ANKS1B: variants seen among roughly 807,000 people sequenced by gnomAD.
ANKS1B encodes the protein ankyrin repeat and sterile alpha motif domain containing 1B, also known as ankyrin repeat and sterile alpha motif domain-containing protein 1B.
Under a neutral mutation model 148.3 loss-of-function variants are expected in ANKS1B, and 36 were observed. The ratio of observed to expected loss-of-function variants is 0.24; its 90% CI spans 0.19 to 0.32. The LOEUF (loss-of-function observed/expected upper bound fraction) is 0.32. Ranked by LOEUF, ANKS1B falls within the 10% of genes least tolerant of loss-of-function variation. The pLI is 1.00. For missense variants in ANKS1B, 1,157 were observed against 1,542.6 expected (o/e 0.75, Z 4.19); for synonymous variants, 542 against 560.8 (o/e 0.97, Z 0.47).
intron 17 of ANKS1B, among the ~76,000 whole-genome samples, chr12:98,996,058 T>A (rs924449852): frequency 6.6e-6 from 1 of 151,046 alleles, no homozygotes; most frequent in African/African-American, 2.4e-5. Context: ...GGGGCTGGAA[T>A]AGTTCCTGTC....
In ANKS1B at chr12:99,719,481, C is replaced by T. The variant is rs377030796; in HGVS notation, c.1128+53441G>A. On this transcript the variant is annotated intron_variant, in intron 8 of 26. Coordinates refer to ENST00000683438, the MANE Select transcript of ANKS1B (RefSeq NM_001352186.2). ...ACCCTGAACACACTTGGTTTATTGA[C>T]GGCAGTTCCACCAGGCCTAATCGCC... is the stretch of plus-strand genomic sequence containing the variant. Among the ~76,000 whole-genome samples the T allele has an allele frequency of 4.9e-4, 74 of 152,190 alleles. No individual in the cohort carries two copies. In the East Asian group the frequency reaches 5.6e-3, roughly 12 times the overall value.
chr12:99,210,274 TCC>T (rs2083177714), intron 14 of ANKS1B, among the ~76,000 whole-genome samples: 1 of 152,186 alleles, frequency 6.6e-6, no homozygotes. Context: ...CATGTTTCTT[TCC>T]TCTTTCTTTA....
intron 12 of ANKS1B, among the ~76,000 whole-genome samples, chr12:99,250,077 C>T (rs2074379935): frequency 1.3e-5 from 2 of 152,160 alleles, no homozygotes; most frequent in African/African-American, 2.4e-5. Context: ...CAGGAGGAGG[C>T]TGACAAAGTG....
Position 98,895,211 on chromosome 12 carries a change from G to C in ANKS1B, c.2779-63075C>G. The C allele has an allele frequency of 6.1e-6, 6 of 985,240 alleles. No homozygotes were observed. In the South Asian group the frequency reaches 2.8e-4, roughly 46 times the overall value. The allele number at this position is 985,240 out of a possible 1,614,324, so 61.0% of individuals were successfully genotyped here. A position where few individuals can be genotyped will look rare whatever the true frequency, so the allele number is the denominator to read the frequency against. On this transcript the variant is annotated intron_variant, in intron 17 of 26. Coordinates refer to ENST00000683438, the MANE Select transcript of ANKS1B (RefSeq NM_001352186.2). ...GGGGCTGCAGGGCGCCTAGCACTGG[G>C]GGTTGCCGGCGCGCGGGGGCCTCCT... is the stretch of plus-strand genomic sequence containing the variant.
chr12:99,596,747 T>A (rs2097761656), intron 9 of ANKS1B, among the ~76,000 whole-genome samples: 1 of 151,976 alleles, frequency 6.6e-6, no homozygotes, highest in African/African-American at 2.4e-5. Flanking sequence ...ATCCTATATG[T>A]AAACATTACA....
intron 1 of ANKS1B, among the ~76,000 whole-genome samples, chr12:99,892,500 T>G (rs188567342): frequency 1.3e-5 from 2 of 152,232 alleles, no homozygotes; most frequent in East Asian, 3.9e-4. Context: ...ATGAACCAAC[T>G]TGAGAAACCT....
At chr12:98,944,388 C>A (rs1057239437) in intron 17 of ANKS1B, among the ~76,000 whole-genome samples, 3 of 151,056 alleles carry the variant, frequency 2.0e-5, no homozygotes, top group Admixed American at 2.0e-4. Flanking sequence ...TTGAAAGCTT[C>A]CTGAGGCCCT....
intron 9 of ANKS1B, among the ~76,000 whole-genome samples, chr12:99,639,843 A>G (rs940651572): frequency 6.6e-6 from 1 of 152,170 alleles, no homozygotes; most frequent in African/African-American, 2.4e-5. Flanking sequence ...TCTTCATAGC[A>G]GAGTGATAAC....
chr12:99,712,889 T>G (rs903182916), intron 8 of ANKS1B, among the ~76,000 whole-genome samples: 3 of 143,824 alleles, frequency 2.1e-5, no homozygotes, highest in African/African-American at 7.6e-5. Context: ...GGCTCTGCCA[T>G]GACCTCAGAG....
At chr12:98,795,626 A>T (rs1204867180) in intron 22 of ANKS1B, 1 of 450,824 alleles carries the variant, frequency 2.2e-6, no homozygotes, top group African/African-American at 2.0e-5. Flanking sequence ...TTCTGGGTAC[A>T]ACATCTGTTT....
intron 8 of ANKS1B, among the ~76,000 whole-genome samples, chr12:99,692,626 G>A (rs980326546): frequency 1.4e-5 from 2 of 146,378 alleles, no homozygotes; most frequent in Admixed American, 7.0e-5. Context: ...AGCTGAGATC[G>A]CACCACTGCA....
intron 1 of ANKS1B, among the ~76,000 whole-genome samples, chr12:99,858,597 T>C (rs2089558189): frequency 6.6e-6 from 1 of 152,174 alleles, no homozygotes; most frequent in African/African-American, 2.4e-5. Flanking sequence ...CAGCACAATT[T>C]GCAGTTGCAA....
intron 9 of ANKS1B, among the ~76,000 whole-genome samples, chr12:99,606,209 C>T (rs1486473478): frequency 1.3e-5 from 2 of 151,848 alleles, no homozygotes; most frequent in East Asian, 1.9e-4. Context: ...ATTGAGTTGT[C>T]TGGTTTCCTT....
rs1430493938 is a variant in ANKS1B, at chr12:98,744,847, T to C, written c.*892A>G. On this transcript the variant is annotated 3_prime_UTR_variant, in exon 27 of 27. Coordinates refer to ENST00000683438, the MANE Select transcript of ANKS1B (RefSeq NM_001352186.2). ...AAACACTGTGAAGATTAAAAAACAA[T>C]CTTGGCAGGCTGATGGCTGCGTCAG... 7.1e-5 allele frequency: 70 copies of C among 985,348 alleles called. No homozygotes were observed. The highest frequency in any genetic ancestry group is 8.1e-5 in the Non-Finnish European group (67 of 829,886). The allele number at this position is 985,348 out of a possible 1,614,324, so 61.0% of individuals were successfully genotyped here. A position where few individuals can be genotyped will look rare whatever the true frequency, so the allele number is the denominator to read the frequency against.
At chr12:98,947,586 G>A (rs2099847383) in intron 17 of ANKS1B, among the ~76,000 whole-genome samples, 1 of 152,176 alleles carries the variant, frequency 6.6e-6, no homozygotes, top group Non-Finnish European at 1.5e-5. Context: ...CCCAAACACA[G>A]GGTTCACACG....
At chr12:99,548,239 C>T (rs2097188112) in intron 9 of ANKS1B, among the ~76,000 whole-genome samples, 1 of 152,070 alleles carries the variant, frequency 6.6e-6, no homozygotes, top group South Asian at 2.1e-4. Flanking sequence ...AGAAATTTTG[C>T]TATAGGTTGC....
At chr12:99,866,471 T>G (rs1349772582) in intron 1 of ANKS1B, among the ~76,000 whole-genome samples, 1 of 152,206 alleles carries the variant, frequency 6.6e-6, no homozygotes, top group Non-Finnish European at 1.5e-5. Context: ...ATTACACGAT[T>G]TTCTTCATAA....
At chr12:99,543,202 G>T (rs1293818953) in intron 9 of ANKS1B, among the ~76,000 whole-genome samples, 2 of 151,880 alleles carry the variant, frequency 1.3e-5, no homozygotes, top group Non-Finnish European at 2.9e-5. Context: ...TCTACAAATG[G>T]CCAATAAGCA....
chr12:99,698,948 T>A (rs965132108), intron 8 of ANKS1B, among the ~76,000 whole-genome samples: 1 of 136,546 alleles, frequency 7.3e-6, no homozygotes, highest in Non-Finnish European at 1.6e-5. Context: ...GTTTTCTTCC[T>A]ACTGCTGTTC....
Sources: gnomAD v4.1 joint callset for allele counts (sites outside exome capture counted in the v4.1 genomes callset) on GRCh38, gnomAD v4.1.1 for gene constraint, MANE v1.5 for transcripts, NCBI Gene and HGNC (gene_info 2026-07-23, HGNC 2026-07-21) for gene names.